PSMF1: variants seen among roughly 807,000 people sequenced by gnomAD.
The protein encoded by PSMF1 is proteasome inhibitor PI31 subunit.
PSMF1 carries 30 observed loss-of-function variants against 29.3 expected under a neutral mutation model. The observed-to-expected ratio is 1.02, with a 90% CI of 0.77 to 1.39. The LOEUF (loss-of-function observed/expected upper bound fraction) is 1.39. PSMF1 is among the 40% of genes most tolerant of loss of function. PSMF1 has a pLI of 0.00. For missense variants in PSMF1, 344 were observed against 357.5 expected (o/e 0.96, Z 0.31); for synonymous variants, 134 against 139.7 (o/e 0.96, Z 0.29).
Position 1,147,387 on chromosome 20 carries a change from T to C in PSMF1, c.551+12081T>C, listed in dbSNP as rs79766539. Among the ~76,000 whole-genome samples the C allele has an allele frequency of 7.3e-3, 1,117 of 152,318 alleles. 12 individuals are homozygous for C. The highest frequency in any genetic ancestry group is 0.025 in the African/African-American group (1,059 of 41,558). ...GTTATCTCGCTGGGAGGGTGAGCACTGGGATTTACCCCGAAGTGGGTCTAA... is the reference window on the plus strand; with the variant it reads ...GTTATCTCGCTGGGAGGGTGAGCACCGGGATTTACCCCGAAGTGGGTCTAA... On this transcript the variant is annotated intron_variant, in intron 4 of 6. Transcript: ENST00000335877.
At chr20:1,138,518 CAAAAA>C (rs34220986) in intron 4 of PSMF1, among the ~76,000 whole-genome samples, 1 of 97,794 alleles carries the variant, frequency 1.0e-5, no homozygotes. Flanking sequence ...GACTGCATCT[CAAAAA>C]AAAAAAAAAA....
chr20:1,161,929 T>C (rs528865661), intron 4 of PSMF1, among the ~76,000 whole-genome samples: 3 of 152,372 alleles, frequency 2.0e-5, no homozygotes, highest in South Asian at 2.1e-4. Context: ...TTTAATACTC[T>C]ACATATCTTT....
chr20:1,121,249 T>C (rs2122445102), intron 1 of PSMF1, among the ~76,000 whole-genome samples: 1 of 152,290 alleles, frequency 6.6e-6, no homozygotes, highest in Admixed American at 6.5e-5. Flanking sequence ...TTCAGACATC[T>C]TTGGGGAGGC....
chr20:1,141,943 G>T (rs2086385674), intron 4 of PSMF1, among the ~76,000 whole-genome samples: 2 of 152,210 alleles, frequency 1.3e-5, no homozygotes, highest in Admixed American at 1.3e-4. Flanking sequence ...GATAGGCTGG[G>T]CACAATGGCT....
Position 1,169,352 on chromosome 20 carries a change from G to A in PSMF1, c.*4272G>A, listed in dbSNP as rs2086767175. Among the ~76,000 whole-genome samples the A allele has an allele frequency of 6.6e-6, 1 of 152,198 alleles. No individual in the cohort carries two copies. Among genetic ancestry groups the A allele is most frequent in the Non-Finnish European group, 1.5e-5 (1 of 68,036 alleles). ...AGGTTTGAACACCTCACGAGTGGTA[G>A]TGCCCATGGGAGGTGCGAAGTGGAA... On this transcript the variant is annotated 3_prime_UTR_variant, in exon 7 of 7. Coordinates refer to ENST00000335877, the MANE Select transcript of PSMF1 (RefSeq NM_006814.5).
chr20:1,161,405 C>T, intron 4 of PSMF1: 1 of 386,356 alleles, frequency 2.6e-6, no homozygotes, highest in Non-Finnish European at 4.8e-6. Context: ...ATGAGACCAC[C>T]TTCAGCTCTA....
rs1300849555 is a variant in PSMF1 at position 1,164,105 on chromosome 20, G to A, written c.606-213G>A. Among the ~76,000 whole-genome samples, 2 of 152,144 alleles carry A rather than the reference G, an allele frequency of 1.3e-5. No individual in the cohort carries two copies. Among genetic ancestry groups the A allele is most frequent in the African/African-American group, 4.8e-5 (2 of 41,426 alleles). On this transcript the variant is annotated intron_variant, in intron 5 of 6. Transcript: ENST00000335877. The surrounding 1 kb of genome is among the most constrained non-coding windows in gnomAD (Gnocchi z 4.1). The stretch of plus-strand genomic sequence containing the variant: ...TGCAGAACCAACCCCTGCAGAGCCA[G>A]AAGTACTCAGCTGTGAGGTATGCTC...
rs977260629 is a variant in PSMF1, at chr20:1,169,236, G to T, written c.*4156G>T. 1.3e-5 allele frequency among the ~76,000 whole-genome samples: 2 copies of T among 152,190 alleles called. No homozygotes were observed. Among genetic ancestry groups the T allele is most frequent in the Non-Finnish European group, 2.9e-5 (2 of 68,040 alleles). On this transcript the variant is annotated 3_prime_UTR_variant, in exon 7 of 7. Coordinates refer to ENST00000335877, the MANE Select transcript of PSMF1 (RefSeq NM_006814.5). The stretch of plus-strand genomic sequence containing the variant: ...GGCCCTGAATCTGTCCTGGAGGGTG[G>T]GTCAAAAGGCAAGGGTGGCAGGTAG...
In PSMF1 at chr20:1,118,720, A is replaced by G; in HGVS notation, c.-54A>G. The G allele has an allele frequency of 1.3e-6, 2 of 1,568,778 alleles. No homozygotes were observed. The highest frequency in any genetic ancestry group is 1.7e-6 in the Non-Finnish European group (2 of 1,153,182). The stretch of plus-strand genomic sequence containing the variant: ...GCTACCCCGGCCGCGGAGCCGGCTC[A>G]CTGCACTACCCCCGCCCCCTTCTTT... On this transcript the variant is annotated 5_prime_UTR_variant, in exon 1 of 7. Coordinates refer to ENST00000335877, the MANE Select transcript of PSMF1 (RefSeq NM_006814.5).
intron 4 of PSMF1, among the ~76,000 whole-genome samples, chr20:1,152,198 A>G (rs1253756610): frequency 6.6e-6 from 1 of 152,318 alleles, no homozygotes; most frequent in African/African-American, 2.4e-5. Flanking sequence ...ATGTAAAACA[A>G]TATCTTTTAA....
At chr20:1,150,534 C>T (rs552974606) in intron 4 of PSMF1, among the ~76,000 whole-genome samples, 7 of 151,304 alleles carry the variant, frequency 4.6e-5, no homozygotes, top group African/African-American at 1.2e-4. Context: ...TTTTTTTTCT[C>T]GAAGTTTACT....
chr20:1,153,939 A>G (rs576947669), intron 4 of PSMF1, among the ~76,000 whole-genome samples: 25 of 152,362 alleles, frequency 1.6e-4, no homozygotes, highest in African/African-American at 5.5e-4. Flanking sequence ...AAACATGTGC[A>G]TGAAAGTTAT....
chr20:1,119,578 C>T (rs1039525893), intron 1 of PSMF1, among the ~76,000 whole-genome samples: 1 of 152,154 alleles, frequency 6.6e-6, no homozygotes, highest in African/African-American at 2.4e-5. Flanking sequence ...AGATTTTCTC[C>T]TCATAGTTGT....
At chr20:1,118,962 AC>A in intron 1 of PSMF1, 60 bp downstream of exon 1, 1 of 1,587,476 alleles carries the variant, frequency 6.3e-7, no homozygotes, top group Non-Finnish European at 8.6e-7. Flanking sequence ...AACTCAGAGT[AC>A]CGGAGGCCTG....
chr20:1,125,070 CAGTT>C (rs1299084094), intron 1 of PSMF1, among the ~76,000 whole-genome samples: 1 of 152,232 alleles, frequency 6.6e-6, no homozygotes, highest in East Asian at 1.9e-4. Context: ...TCACTGCAGT[CAGTT>C]AGCGTGTATT....
chr20:1,142,791 T>A (rs1209033681), intron 4 of PSMF1, among the ~76,000 whole-genome samples: 11 of 152,208 alleles, frequency 7.2e-5, no homozygotes, highest in African/African-American at 2.7e-4. Flanking sequence ...TACCCAGTAA[T>A]GGGATGGCTG....
chr20:1,118,403 G>C (rs2086032896), upstream of PSMF1: 1 of 198,572 alleles, frequency 5.0e-6, no homozygotes, highest in Non-Finnish European at 1.0e-5. Flanking sequence ...TGGATGGGAA[G>C]TCTGCCTCTC....
intron 2 of PSMF1, chr20:1,127,209 A>C: frequency 2.8e-6 from 2 of 712,598 alleles, no homozygotes; most frequent in Non-Finnish European, 5.1e-6. Flanking sequence ...GAGCCTGGGA[A>C]GTAGGTGTTT....
intron 4 of PSMF1, among the ~76,000 whole-genome samples, chr20:1,146,685 AAC>A (rs2086454276): frequency 6.6e-6 from 1 of 152,108 alleles, no homozygotes; most frequent in Admixed American, 6.5e-5. Context: ...GGCAATTAGG[AAC>A]ACAGGCTTTG....
Sources: gnomAD v4.1 joint callset for allele counts (sites outside exome capture counted in the v4.1 genomes callset) on GRCh38, gnomAD v4.1.1 for gene constraint, Gnocchi (gnomAD v3.1) non-coding constraint, MANE v1.5 for transcripts, NCBI Gene and HGNC (gene_info 2026-07-23, HGNC 2026-07-21) for gene names.